The following CDH13 variants were observed in gnomAD, a reference collection of about 807,000 sequenced individuals.
The protein encoded by CDH13 is cadherin 13.
CDH13 carries 24 observed loss-of-function variants against 63.8 expected under a neutral mutation model. The ratio of observed to expected loss-of-function variants is 0.38; its 90% CI spans 0.27 to 0.53. The LOEUF (loss-of-function observed/expected upper bound fraction) is 0.53. Among genes scored for constraint, CDH13 ranks in the 20% least tolerant of loss-of-function variants. The pLI is 0.85. For synonymous variants in CDH13, 503 were observed against 355.3 expected (o/e 1.42, Z -4.67); for missense variants, 1,049 against 903.1 (o/e 1.16, Z -2.07).
intron 5 of CDH13, among the ~76,000 whole-genome samples, chr16:83,250,995 G>A (rs185038843): frequency 9.5e-4 from 139 of 146,686 alleles, no homozygotes; most frequent in African/African-American, 3.2e-3. Context: ...TCGGTGGTTC[G>A]GTAAAGGTTT....
chr16:83,412,670 C>G (rs1306187444), intron 6 of CDH13, among the ~76,000 whole-genome samples: 1 of 152,132 alleles, frequency 6.6e-6, no homozygotes, highest in Non-Finnish European at 1.5e-5. Context: ...TGCAGGTAGA[C>G]ACTCTGACAA....
At chr16:82,883,162 G>T (rs919011050) in intron 2 of CDH13, among the ~76,000 whole-genome samples, 1 of 152,150 alleles carries the variant, frequency 6.6e-6, no homozygotes, top group African/African-American at 2.4e-5. Context: ...GAAATGAGAG[G>T]GCTTGAAGTG....
At chr16:83,343,767 A>G (rs1434350740) in intron 5 of CDH13, among the ~76,000 whole-genome samples, 1 of 152,224 alleles carries the variant, frequency 6.6e-6, no homozygotes, top group African/African-American at 2.4e-5. Context: ...TGGTTAAAAA[A>G]GTGAGCTCTG....
chr16:83,746,451 C>T (rs1218433137), intron 10 of CDH13, among the ~76,000 whole-genome samples: 2 of 152,192 alleles, frequency 1.3e-5, no homozygotes, highest in Non-Finnish European at 2.9e-5. Flanking sequence ...ATCTCAAAGA[C>T]CTTAACTCAG....
At chr16:83,264,347 C>G (rs1049598446) in intron 5 of CDH13, among the ~76,000 whole-genome samples, 1 of 152,148 alleles carries the variant, frequency 6.6e-6, no homozygotes, top group Non-Finnish European at 1.5e-5. Context: ...TTATCAATCT[C>G]TGACTTTTCC....
At chr16:83,563,687 G>T (rs2075745209) in intron 7 of CDH13, among the ~76,000 whole-genome samples, 1 of 152,148 alleles carries the variant, frequency 6.6e-6, no homozygotes, top group Non-Finnish European at 1.5e-5. Context: ...GTGTGTTTGT[G>T]TAAGAACACA....
chr16:82,879,688 A>G (rs1189968200), intron 2 of CDH13, among the ~76,000 whole-genome samples: 3 of 139,092 alleles, frequency 2.2e-5, no homozygotes, highest in African/African-American at 5.2e-5. Context: ...TATAATATAT[A>G]ATAATATAAC....
intron 10 of CDH13, among the ~76,000 whole-genome samples, chr16:83,732,451 A>G (rs1911132311): frequency 1.3e-5 from 2 of 152,156 alleles, no homozygotes; most frequent in Non-Finnish European, 2.9e-5. Flanking sequence ...TCAGTCCCCA[A>G]AGCCACAAAG....
At chr16:83,444,010 T>C (rs141385609) in intron 6 of CDH13, among the ~76,000 whole-genome samples, 2,090 of 149,022 alleles carry the variant, frequency 0.014, 67 homozygotes, top group African/African-American at 0.048. Flanking sequence ...GCAAAGACGG[T>C]GGTGAAGGTG....
At chr16:83,035,965 C>T (rs1916812659) in intron 3 of CDH13, among the ~76,000 whole-genome samples, 1 of 152,226 alleles carries the variant, frequency 6.6e-6, no homozygotes, top group East Asian at 1.9e-4. Flanking sequence ...AGTCTTTCAT[C>T]CTCACAACAG....
At chr16:82,889,196 A>G (rs1435124862) in intron 2 of CDH13, among the ~76,000 whole-genome samples, 1 of 152,160 alleles carries the variant, frequency 6.6e-6, no homozygotes, top group African/African-American at 2.4e-5. Context: ...AATGTTTTAA[A>G]TGTCACTGTT....
chr16:83,293,723 G>C (rs2089519477), intron 5 of CDH13, among the ~76,000 whole-genome samples: 1 of 152,126 alleles, frequency 6.6e-6, no homozygotes. Flanking sequence ...AGCAGGTGTG[G>C]GAAAACAAAT....
chr16:83,657,023 G>A (rs1912930196), intron 8 of CDH13, among the ~76,000 whole-genome samples: 1 of 152,186 alleles, frequency 6.6e-6, no homozygotes, highest in Non-Finnish European at 1.5e-5. Context: ...TTCAGGTACA[G>A]TAAACTCAGG....
chr16:83,602,112 A>C (rs2150750556), intron 7 of CDH13, among the ~76,000 whole-genome samples: 1 of 31,762 alleles, frequency 3.1e-5, no homozygotes, highest in Non-Finnish European at 5.5e-5. Context: ...AACAACAAAA[A>C]AAAAAAAAAA....
intron 6 of CDH13, among the ~76,000 whole-genome samples, chr16:83,373,889 T>A (rs923947613): frequency 1.3e-5 from 2 of 152,076 alleles, no homozygotes; most frequent in Admixed American, 6.5e-5. Context: ...ACCACCAGCA[T>A]GGGATACATC....
intron 2 of CDH13, among the ~76,000 whole-genome samples, chr16:82,897,460 A>G (rs573478285): frequency 4.8e-4 from 73 of 152,312 alleles, no homozygotes; most frequent in African/African-American, 1.6e-3. Context: ...TTTCTGCCTC[A>G]CTTTTGGCTC....
chr16:83,402,641 G>C (rs2091985244), intron 6 of CDH13, among the ~76,000 whole-genome samples: 1 of 152,168 alleles, frequency 6.6e-6, no homozygotes, highest in African/African-American at 2.4e-5. Context: ...ATAAATCGTT[G>C]ATAATATATG....
chr16:83,406,220 G>A (rs369305810), intron 6 of CDH13, among the ~76,000 whole-genome samples: 32 of 152,256 alleles, frequency 2.1e-4, no homozygotes, highest in African/African-American at 3.4e-4. Flanking sequence ...ACTGAGCTGC[G>A]GTAGCGCCCG....
intron 7 of CDH13, among the ~76,000 whole-genome samples, chr16:83,533,960 A>T (rs1352751135): frequency 1.3e-5 from 2 of 152,150 alleles, no homozygotes; most frequent in African/African-American, 2.4e-5. Flanking sequence ...CTTATTTTTA[A>T]ACTTGTTTGT....
Sources: allele counts gnomAD v4.1 joint callset (sites outside exome capture counted in the v4.1 genomes callset), GRCh38; gene constraint gnomAD v4.1.1; transcripts MANE v1.5; gene names NCBI Gene and HGNC (gene_info 2026-07-23, HGNC 2026-07-21).